FBXL7: variants seen among roughly 807,000 people sequenced by gnomAD.
The protein encoded by FBXL7 is F-box/LRR-repeat protein 7.
Under a neutral mutation model 38.3 loss-of-function variants are expected in FBXL7, and 12 were observed. That is an observed-to-expected ratio of 0.31 (90% CI 0.20 to 0.51). The LOEUF (loss-of-function observed/expected upper bound fraction) is 0.51, where lower values mean the gene tolerates loss of function less well. FBXL7 is among the 20% of genes least tolerant of loss of function. The pLI, the probability that FBXL7 is intolerant of heterozygous loss-of-function variation, is 0.98. For missense variants in FBXL7, 567 were observed against 676.4 expected (o/e 0.84, Z 1.79); for synonymous variants, 297 against 300.9 (o/e 0.99, Z 0.13).
At chr5:15,676,079 C>T (rs902687638) in intron 2 of FBXL7, among the ~76,000 whole-genome samples, 11 of 152,166 alleles carry the variant, frequency 7.2e-5, no homozygotes, top group African/African-American at 2.7e-4. Context: ...GATCTCCTCT[C>T]CCGATCTGGA....
intron 2 of FBXL7, among the ~76,000 whole-genome samples, chr5:15,799,622 G>A (rs892002862): frequency 2.6e-5 from 4 of 152,166 alleles, no homozygotes; most frequent in Admixed American, 6.5e-5. Flanking sequence ...TCGGCCTCCC[G>A]AAGTGCTAGG....
chr5:15,524,688 G>A (rs1015453846), intron 1 of FBXL7, among the ~76,000 whole-genome samples: 7 of 151,956 alleles, frequency 4.6e-5, no homozygotes, highest in Non-Finnish European at 1.0e-4. Flanking sequence ...TTTTCTTATT[G>A]TTACTGACAC....
intron 2 of FBXL7, among the ~76,000 whole-genome samples, chr5:15,751,418 C>T (rs1253782941): frequency 6.6e-6 from 1 of 152,110 alleles, no homozygotes; most frequent in East Asian, 1.9e-4. Context: ...CTTTGAAGAC[C>T]AGGCCAGATT....
intron 2 of FBXL7, among the ~76,000 whole-genome samples, chr5:15,750,305 G>A (rs1261886373): frequency 6.6e-6 from 1 of 152,204 alleles, no homozygotes; most frequent in Non-Finnish European, 1.5e-5. Context: ...GGTGCAGATA[G>A]TAGTGACCTG....
At chr5:15,890,430 G>A (rs1318569094) in intron 2 of FBXL7, among the ~76,000 whole-genome samples, 3 of 151,950 alleles carry the variant, frequency 2.0e-5, no homozygotes, top group South Asian at 2.1e-4. Context: ...TAGTACAGAC[G>A]GGGTTTCTCC....
At chr5:15,591,774 G>A (rs1279577156) in intron 1 of FBXL7, among the ~76,000 whole-genome samples, 2 of 151,932 alleles carry the variant, frequency 1.3e-5, no homozygotes, top group Admixed American at 6.6e-5. Flanking sequence ...GCAGTGTCAC[G>A]ATCTTGGCTC....
Position 15,541,406 on chromosome 5 carries a change from G to T in FBXL7, c.37+40693G>T, listed in dbSNP as rs1459126614. 3.5e-5 allele frequency among the ~76,000 whole-genome samples: 4 copies of T among 115,494 alleles called. No individual in the cohort carries two copies. In the East Asian group the frequency reaches 7.5e-4, roughly 22 times the overall value. The allele number at this position is 115,494 out of a possible 152,430, so 75.8% of individuals were successfully genotyped here. On this transcript the variant is annotated intron_variant, in intron 1 of 3. Coordinates refer to ENST00000504595, the MANE Select transcript of FBXL7 (RefSeq NM_012304.5). ...TACACACACATATATCCATATATATGTGTATATATATACATATAGTATATA... is the reference window on the plus strand; with the variant it reads ...TACACACACATATATCCATATATATTTGTATATATATACATATAGTATATA...
At chr5:15,562,501 A>T (rs948272095) in intron 1 of FBXL7, among the ~76,000 whole-genome samples, 1 of 152,156 alleles carries the variant, frequency 6.6e-6, no homozygotes, top group Non-Finnish European at 1.5e-5. Context: ...CAGGTATATG[A>T]AAAGGTGCTC....
At chr5:15,605,597 GTTA>G (rs1169461987) in intron 1 of FBXL7, among the ~76,000 whole-genome samples, 3 of 152,216 alleles carry the variant, frequency 2.0e-5, no homozygotes, top group South Asian at 2.1e-4. Context: ...GGAATGAGGA[GTTA>G]TTATTTAATG....
intron 2 of FBXL7, among the ~76,000 whole-genome samples, chr5:15,831,101 C>G (rs1480479459): frequency 6.6e-6 from 1 of 152,202 alleles, no homozygotes; most frequent in Non-Finnish European, 1.5e-5. Flanking sequence ...ACTGGCATCA[C>G]TCATGAACTG....
intron 2 of FBXL7, among the ~76,000 whole-genome samples, chr5:15,733,534 C>T (rs1464754711): frequency 6.6e-6 from 1 of 152,074 alleles, no homozygotes; most frequent in African/African-American, 2.4e-5. Context: ...GAACACTGTA[C>T]TGGGAAGAGT....
intron 2 of FBXL7, among the ~76,000 whole-genome samples, chr5:15,636,529 C>T (rs767698034): frequency 6.6e-6 from 1 of 152,168 alleles, no homozygotes; most frequent in Non-Finnish European, 1.5e-5. Flanking sequence ...GCCTCCTAGT[C>T]ACAGTAACAG....
intron 1 of FBXL7, among the ~76,000 whole-genome samples, chr5:15,510,534 A>G (rs1472537439): frequency 6.6e-6 from 1 of 152,184 alleles, no homozygotes; most frequent in African/African-American, 2.4e-5. Context: ...GAAGAAGAAG[A>G]AGGTATGCAG....
At chr5:15,640,964 C>T (rs891951350) in intron 2 of FBXL7, among the ~76,000 whole-genome samples, 1 of 152,190 alleles carries the variant, frequency 6.6e-6, no homozygotes, top group Non-Finnish European at 1.5e-5. Flanking sequence ...AGCTTAAGGA[C>T]ATGCTGCAGC....
intron 2 of FBXL7, among the ~76,000 whole-genome samples, chr5:15,619,370 C>G (rs1259486458): frequency 1.3e-5 from 2 of 152,170 alleles, no homozygotes; most frequent in Non-Finnish European, 2.9e-5. Context: ...GCCAAACCGT[C>G]ACCGACATTT....
In FBXL7 at chr5:15,830,257, G is replaced by T. The variant is rs184257223; in HGVS notation, c.128-97633G>T. 2.6e-3 allele frequency among the ~76,000 whole-genome samples: 393 copies of T among 152,232 alleles called. 4 individuals are homozygous for T. Among genetic ancestry groups the T allele is most frequent in the African/African-American group, 8.9e-3 (368 of 41,542 alleles). On this transcript the variant is annotated intron_variant, in intron 2 of 3. Transcript: ENST00000504595. ...CCAGCACTTTGGGAGGCCAAGGCGGGCAGATCACTTGAGGTCAGGAGTTCG... is the reference window on the plus strand; with the variant it reads ...CCAGCACTTTGGGAGGCCAAGGCGGTCAGATCACTTGAGGTCAGGAGTTCG...
At chr5:15,536,021 C>T (rs1737573345) in intron 1 of FBXL7, among the ~76,000 whole-genome samples, 2 of 152,352 alleles carry the variant, frequency 1.3e-5, no homozygotes, top group South Asian at 4.1e-4. Context: ...CATCTTACCT[C>T]CCACCTGCTC....
intron 1 of FBXL7, among the ~76,000 whole-genome samples, chr5:15,570,328 T>G (rs1407968487): frequency 6.6e-6 from 1 of 152,172 alleles, no homozygotes; most frequent in Non-Finnish European, 1.5e-5. Flanking sequence ...GGAGGGTGTA[T>G]TTGTCGAGGA....
chr5:15,898,234 A>G (rs1223113256), intron 2 of FBXL7, among the ~76,000 whole-genome samples: 4 of 152,362 alleles, frequency 2.6e-5, no homozygotes, highest in Admixed American at 2.0e-4. Context: ...ACATTTGTTC[A>G]GCCAGCAACT....
Sources: allele counts gnomAD v4.1 joint callset (sites outside exome capture counted in the v4.1 genomes callset), GRCh38; gene constraint gnomAD v4.1.1; transcripts MANE v1.5; gene names NCBI Gene and HGNC (gene_info 2026-07-23, HGNC 2026-07-21).